ITGAL: variants seen among roughly 807,000 people sequenced by gnomAD.
ITGAL encodes the protein integrin alpha-L.
Under a neutral mutation model 138.4 loss-of-function variants are expected in ITGAL, and 68 were observed. The observed-to-expected ratio is 0.49, with a 90% CI of 0.40 to 0.60. ITGAL has a LOEUF of 0.60. ITGAL is among the 20% of genes least tolerant of loss of function. The pLI is 0.00. For synonymous variants in ITGAL, 561 were observed against 584.3 expected, an observed-to-expected ratio of 0.96 and a Z score of 0.57; for missense variants, 1,256 against 1,478.6, an observed-to-expected ratio of 0.85 and a Z score of 2.47.
At chr16:30,497,667 C>T (rs1283609848) in intron 15 of ITGAL, among the ~76,000 whole-genome samples, 3 of 151,640 alleles carry the variant, frequency 2.0e-5, no homozygotes, top group Non-Finnish European at 4.4e-5. Flanking sequence ...TTAGTAGAGA[C>T]GGGGTTTCGC....
chr16:30,475,546 C>A lies in ITGAL; in HGVS notation c.293C>A (p.Thr98Asn). The part of the protein sequence containing the change: ...SNYTSKYLGM[T>N]LATDPTDGSI... ...TATACCTCCAAGTACTTGGGAATGA[C>A]CTTGGCAACAGACCCCACAGATGGA... is the stretch of plus-strand genomic sequence containing the variant. The change falls in exon 4 of 31, where the codon ACC becomes AAC. Residue 98 changes from threonine (T) to asparagine (N), a missense_variant. Thr to Asn is a moderately conservative substitution (Grantham distance 65). This residue lies in a region of ITGAL where 212 missense variants were observed against 217.4 expected (regional missense o/e 0.98). Transcript: ENST00000356798. 1.2e-6 allele frequency: 2 copies of A among 1,613,900 alleles called. No homozygotes were observed. Among genetic ancestry groups the A allele is most frequent in the Non-Finnish European group, 1.7e-6 (2 of 1,179,912 alleles).
At position 30,494,638 on chromosome 16, in the gene ITGAL, C is replaced by G; in HGVS notation, c.1366-75C>G. 6.7e-7 allele frequency: 1 copy of G among 1,488,446 alleles called. No homozygotes were observed. The allele number at this position is 1,488,446 out of a possible 1,614,324, so 92.2% of individuals were successfully genotyped here. ...ATTTGAGGGAGTGGCACAAGATGAA[C>G]ACGGTACAGGTATCTCCCTGCCAAC... is the stretch of plus-strand genomic sequence containing the variant. On this transcript the variant is annotated intron_variant, in intron 12 of 30. Transcript: ENST00000356798. This position sits in a 1 kb window ranked among gnomAD's most constrained non-coding sequence, Gnocchi z 4.2.
chr16:30,485,864 T>C (rs1448304124), intron 9 of ITGAL, among the ~76,000 whole-genome samples: 1 of 152,118 alleles, frequency 6.6e-6, no homozygotes, highest in Admixed American at 6.6e-5. Flanking sequence ...AAATTCCATC[T>C]TCTCTTGGAG....
At chr16:30,518,932 G>C (rs959633049) in intron 29 of ITGAL, among the ~76,000 whole-genome samples, 2 of 152,120 alleles carry the variant, frequency 1.3e-5, no homozygotes, top group African/African-American at 4.8e-5. Context: ...GTCGAGTAAA[G>C]TTCAATCGAG....
In ITGAL at chr16:30,475,564, C is replaced by G; in HGVS notation, c.311C>G (p.Thr104Arg). The G allele has an allele frequency of 6.2e-7, 1 of 1,613,510 alleles. No homozygotes were observed. Among genetic ancestry groups the G allele is most frequent in the South Asian group, 1.1e-5 (1 of 91,078 alleles). The change falls in exon 4 of 31, where the codon ACA becomes AGA. Residue 104 changes from threonine (T) to arginine (R), a missense_variant. Transcript: ENST00000356798. The part of the protein sequence containing the change: ...YLGMTLATDP[T>R]DGSILACDPG... ...GGAATGACCTTGGCAACAGACCCCA[C>G]AGATGGAAGCATTTTGGTAAGAATT...
rs1265285770 is a variant in ITGAL, at chr16:30,519,935, C to A, written c.3307C>A (p.Leu1103Met). Residue 1103 changes from leucine to methionine, a missense_variant, in exon 30 of 31, where the codon CTG becomes ATG. Leu to Met is a conservative substitution (Grantham distance 15). Around this residue, in one of 3 missense-constraint regions of ITGAL, gnomAD observed 867 missense variants for 972.5 expected, o/e 0.89. Transcript: ENST00000356798. ...YVLSGIGGLL[L>M]LLLIFIVLYK... ...GCTGAGCGGCATCGGGGGGCTGCTG[C>A]TGCTGCTGCTCATTTTCATAGTGCT... 11 of 1,613,332 alleles carry A rather than the reference C, an allele frequency of 6.8e-6. No individual in the cohort carries two copies. Among genetic ancestry groups the A allele is most frequent in the Non-Finnish European group, 8.5e-6 (10 of 1,179,952 alleles).
intron 17 of ITGAL, among the ~76,000 whole-genome samples, chr16:30,500,057 A>ATTAT (rs34854709): frequency 0.05 from 6,235 of 125,446 alleles, 184 homozygotes; most frequent in East Asian, 0.086. Context: ...CCTATTTTAT[A>ATTAT]TTATTTATTT....
chr16:30,495,720 A>C (rs1377908327), intron 13 of ITGAL, among the ~76,000 whole-genome samples: 2 of 152,128 alleles, frequency 1.3e-5, no homozygotes, highest in African/African-American at 4.8e-5. Context: ...GTGGTGGTAC[A>C]TACCTGTAGT....
In ITGAL at chr16:30,499,363, C is replaced by T; in HGVS notation, c.2019C>T (p.Tyr673=). 6.2e-7 allele frequency: 1 copy of T among 1,614,146 alleles called. No homozygotes were observed. Among genetic ancestry groups the T allele is most frequent in the Non-Finnish European group, 8.5e-7 (1 of 1,180,034 alleles). The change falls in exon 17 of 31, where the codon TAC becomes TAT. Residue 673 remains tyrosine, a synonymous_variant. Coordinates refer to ENST00000356798, the MANE Select transcript of ITGAL (RefSeq NM_002209.3). ...FQGRLVANLT[Y]TLQLDGHRTR... ...GCCGCCTGGTTGCCAATCTCACTTA[C>T]ACTCTGCAGCTGGATGGCCACCGGA...
chr16:30,482,734 G>C (rs1490284909), intron 7 of ITGAL, among the ~76,000 whole-genome samples: 1 of 152,136 alleles, frequency 6.6e-6, no homozygotes, highest in Non-Finnish European at 1.5e-5. Context: ...AGGTGTTCAT[G>C]GGTAAGACGG....
At chr16:30,474,098 G>A in intron 1 of ITGAL, 98 bp from the exon 2 acceptor site, 1 of 868,252 alleles carries the variant, frequency 1.2e-6, no homozygotes, top group South Asian at 1.4e-5. Flanking sequence ...GGGTGGCCTG[G>A]GGAGCGACAT....
chr16:30,499,724 T>TGTGTATATATATATAC, intron 17 of ITGAL, among the ~76,000 whole-genome samples: 1 of 107,718 alleles, frequency 9.3e-6, no homozygotes, highest in African/African-American at 5.0e-5. Context: ...TATATATATA[T>TGTGTATATATATATAC]ATATATATAT....
At chr16:30,493,280 T>A (rs965948370) in intron 11 of ITGAL, among the ~76,000 whole-genome samples, 1 of 150,420 alleles carries the variant, frequency 6.6e-6, no homozygotes, top group African/African-American at 2.4e-5. Flanking sequence ...TATTTTATTT[T>A]ATTTATTTAT....
At chr16:30,486,662 T>TG (rs753676514) in intron 9 of ITGAL, among the ~76,000 whole-genome samples, 10 of 151,202 alleles carry the variant, frequency 6.6e-5, no homozygotes, top group Admixed American at 2.6e-4. Context: ...GCCAGGAAAA[T>TG]GGAAAAAGTT....
chr16:30,476,108 G>A (rs2050467753), intron 4 of ITGAL, among the ~76,000 whole-genome samples: 1 of 151,932 alleles, frequency 6.6e-6, no homozygotes, highest in Admixed American at 6.6e-5. Flanking sequence ...AAAATCAGCC[G>A]GGCATGGTCG....
chr16:30,479,146 T>A lies in ITGAL; in HGVS notation c.383T>A (p.Leu128Gln). The stretch of plus-strand genomic sequence containing the variant: ...GACCAGAACACCTATCTGAGTGGCC[T>A]GTGTTACCTCTTCCGCCAGAATCTG... ...TCDQNTYLSGLCYLFRQNLQG... is the reference protein window; with the variant it reads ...TCDQNTYLSGQCYLFRQNLQG... The change falls in exon 5 of 31, where the codon CTG (leucine) becomes CAG (glutamine). Residue 128 changes from leucine (L) to glutamine (Q), a missense_variant. This residue lies in a region of ITGAL where 212 missense variants were observed against 217.4 expected (regional missense o/e 0.98). Transcript: ENST00000356798. 6.2e-7 allele frequency: 1 copy of A among 1,614,142 alleles called. No homozygotes were observed. Among genetic ancestry groups the A allele is most frequent in the Non-Finnish European group, 8.5e-7 (1 of 1,180,002 alleles).
In ITGAL at chr16:30,484,138, A is replaced by G. The variant is rs1290475534; in HGVS notation, c.881A>G (p.Glu294Gly). 6.2e-7 allele frequency: 1 copy of G among 1,613,948 alleles called. No homozygotes were observed. The highest frequency in any genetic ancestry group is 1.3e-5 in the African/African-American group (1 of 74,896). The change falls in exon 9 of 31, where the codon GAG becomes GGG. Residue 294 changes from glutamate to glycine, a missense_variant. Glu to Gly is a moderately conservative substitution (Grantham distance 98, BLOSUM62 -2). Coordinates refer to ENST00000356798, the MANE Select transcript of ITGAL (RefSeq NM_002209.3). ...ATTGGAAAGCATTTTCAGACCAAGG[A>G]GAGTCAGGAGACCCTCCACAAATTT... Reference protein sequence around the residue: ...IGIGKHFQTKESQETLHKFAS... With the variant: ...IGIGKHFQTKGSQETLHKFAS...
chr16:30,492,117 G>A (rs937946094), intron 11 of ITGAL, among the ~76,000 whole-genome samples: 3 of 152,102 alleles, frequency 2.0e-5, no homozygotes, highest in Non-Finnish European at 4.4e-5. Flanking sequence ...CTTGGCTCTA[G>A]CCCAATCTTG....
At chr16:30,484,530 C>T (rs1479583728) in intron 9 of ITGAL, among the ~76,000 whole-genome samples, 1 of 151,966 alleles carries the variant, frequency 6.6e-6, no homozygotes, top group Non-Finnish European at 1.5e-5. Context: ...ATCGCTTGAA[C>T]TCAGGAGGCA....
Sources: gnomAD v4.1 joint callset for allele counts (sites outside exome capture counted in the v4.1 genomes callset) on GRCh38, gnomAD v4.1.1 for gene constraint, gnomAD v4.1.1 regional missense constraint, Gnocchi (gnomAD v3.1) non-coding constraint, MANE v1.5 for transcripts, NCBI Gene and HGNC (gene_info 2026-07-23, HGNC 2026-07-21) for gene names.